The following DAB1 variants were observed in gnomAD, a reference collection of about 807,000 sequenced individuals.
The protein encoded by DAB1 is disabled homolog 1.
Under a neutral mutation model 64.6 loss-of-function variants are expected in DAB1, and 15 were observed. The observed-to-expected ratio is 0.23, with a 90% CI of 0.16 to 0.36. The LOEUF is 0.36. DAB1 is among the 10% of genes least tolerant of loss of function. DAB1 has a pLI of 1.00. For missense variants in DAB1, 596 were observed against 706.7 expected, an observed-to-expected ratio of 0.84 and a Z score of 1.78; for synonymous variants, 235 against 251.9, an observed-to-expected ratio of 0.93 and a Z score of 0.64.
intron 1 of DAB1, among the ~76,000 whole-genome samples, chr1:57,858,718 CT>C (rs1173876646): frequency 6.6e-6 from 1 of 151,108 alleles, no homozygotes; most frequent in Non-Finnish European, 1.5e-5. Flanking sequence ...TCTCTCTTTG[CT>C]TCCAGCAACT....
chr1:57,660,018 T>TA (rs918587415), intron 6 of DAB1, among the ~76,000 whole-genome samples: 3 of 150,176 alleles, frequency 2.0e-5, no homozygotes, highest in Non-Finnish European at 4.4e-5. Flanking sequence ...AATAAATAAA[T>TA]AAGATGAAAA....
chr1:57,471,730 C>A (rs904999437), intron 7 of DAB1, among the ~76,000 whole-genome samples: 2 of 152,176 alleles, frequency 1.3e-5, no homozygotes, highest in African/African-American at 4.8e-5. Flanking sequence ...AACTGTAAGT[C>A]CATTAAACCT....
chr1:58,372,581 T>A, intron 3 of DAB1, among the ~76,000 whole-genome samples: 1 of 152,132 alleles, frequency 6.6e-6, no homozygotes, highest in Middle Eastern at 3.2e-3. Flanking sequence ...GACATGAGAT[T>A]TGGAAGAAGC....
intron 2 of DAB1, among the ~76,000 whole-genome samples, chr1:57,205,746 G>C (rs938780469): frequency 6.6e-6 from 1 of 152,198 alleles, no homozygotes. Flanking sequence ...ACCTGAGACT[G>C]TCAGATCTCA....
At chr1:57,858,338 T>A (rs989239) in intron 1 of DAB1, among the ~76,000 whole-genome samples, 23,092 of 152,154 alleles carry the variant, frequency 0.15, 1,895 homozygotes, top group East Asian at 0.27. Context: ...ATTACCATCA[T>A]GAATTCAACA....
intron 7 of DAB1, among the ~76,000 whole-genome samples, chr1:57,551,717 G>C (rs1176343811): frequency 6.6e-6 from 1 of 152,254 alleles, no homozygotes; most frequent in East Asian, 1.9e-4. Context: ...TCTCAACTTA[G>C]ACTGGAGCCT....
chr1:57,755,443 T>C (rs1439694512), intron 6 of DAB1, among the ~76,000 whole-genome samples: 1 of 152,230 alleles, frequency 6.6e-6, no homozygotes, highest in Non-Finnish European at 1.5e-5. Context: ...TAAGAATTTA[T>C]TGAGCCATGG....
In DAB1 at chr1:57,381,494, G is replaced by A. The variant is rs76497413; in HGVS notation, c.-137+42436C>T. ...AGAATAAATACAGCCTGGTATCACA[G>A]AGTTGCATGCATTACTCATGCAGAA... On this transcript the variant is annotated intron_variant, in intron 1 of 14. Coordinates refer to ENST00000371236, the MANE Select transcript of DAB1 (RefSeq NM_001365792.1). Among the ~76,000 whole-genome samples, 41 of 152,254 alleles carry A rather than the reference G, an allele frequency of 2.7e-4. No homozygotes were observed. The East Asian group carries it at 7.5e-3, about 28-fold the overall frequency.
chr1:58,415,343 G>C (rs929554491), intron 3 of DAB1: 3 of 226,536 alleles, frequency 1.3e-5, no homozygotes, highest in African/African-American at 6.9e-5. Context: ...ATAGCAGCTT[G>C]TGCAGACTAA....
intron 7 of DAB1, among the ~76,000 whole-genome samples, chr1:57,433,014 T>C (rs1174075388): frequency 6.6e-6 from 1 of 152,162 alleles, no homozygotes; most frequent in Non-Finnish European, 1.5e-5. Context: ...ACAAAAGTTG[T>C]GCAAGCTTTC....
intron 6 of DAB1, among the ~76,000 whole-genome samples, chr1:57,741,945 G>A (rs753348958): frequency 1.3e-5 from 2 of 152,186 alleles, no homozygotes; most frequent in African/African-American, 4.8e-5. Context: ...CCTTGTTACA[G>A]TTTTCGAGTG....
intron 1 of DAB1, among the ~76,000 whole-genome samples, chr1:57,390,373 TATAA>T (rs1274852936): frequency 6.6e-6 from 1 of 152,198 alleles, no homozygotes; most frequent in Non-Finnish European, 1.5e-5. Flanking sequence ...TACTCCTAAG[TATAA>T]ATGAGATAAT....
At chr1:57,377,269 T>TAA (rs745487315) in intron 1 of DAB1, among the ~76,000 whole-genome samples, 2 of 137,214 alleles carry the variant, frequency 1.5e-5, no homozygotes, top group South Asian at 2.4e-4. Flanking sequence ...GACTCCATCT[T>TAA]AAAAAAAAAA....
chr1:57,928,294 AT>A (rs35960504), intron 5 of DAB1, among the ~76,000 whole-genome samples: 1 of 151,922 alleles, frequency 6.6e-6, no homozygotes. Context: ...AATAGACTTT[AT>A]TTTTTAGAGC....
At chr1:58,379,206 C>G (rs185328987) in intron 3 of DAB1, among the ~76,000 whole-genome samples, 37 of 152,098 alleles carry the variant, frequency 2.4e-4, no homozygotes, top group Admixed American at 5.2e-4. Flanking sequence ...GCTCCTCCCC[C>G]CCAGCTTACT....
At chr1:57,029,212 C>G (rs560614282) in intron 9 of DAB1, among the ~76,000 whole-genome samples, 5 of 152,334 alleles carry the variant, frequency 3.3e-5, no homozygotes, top group South Asian at 4.1e-4. Flanking sequence ...GCTGTGGCTT[C>G]TGAGGGTAGA....
At chr1:57,487,924 G>A (rs141204795) in intron 7 of DAB1, among the ~76,000 whole-genome samples, 8 of 152,260 alleles carry the variant, frequency 5.3e-5, no homozygotes, top group African/African-American at 1.9e-4. Context: ...CATTGAGACT[G>A]TTTCCTTTCC....
chr1:57,233,252 A>ATTTTTTTTTTT (rs1667824189), intron 2 of DAB1, among the ~76,000 whole-genome samples: 1 of 56,888 alleles, frequency 1.8e-5, no homozygotes. Context: ...CTTTGCTCCG[A>ATTTTTTTTTTT]TTCTTTTTTT....
intron 3 of DAB1, among the ~76,000 whole-genome samples, chr1:58,357,434 G>A (rs1418136658): frequency 6.6e-6 from 1 of 152,174 alleles, no homozygotes; most frequent in African/African-American, 2.4e-5. Context: ...GTAGCCTAGA[G>A]GGTCAAGAGT....
Sources: allele counts gnomAD v4.1 joint callset (sites outside exome capture counted in the v4.1 genomes callset), GRCh38; gene constraint gnomAD v4.1.1; transcripts MANE v1.5; gene names NCBI Gene and HGNC (gene_info 2026-07-23, HGNC 2026-07-21).